MYO1H: variants seen among roughly 807,000 people sequenced by gnomAD.
MYO1H encodes myosin IH.
In MYO1H, 118 loss-of-function variants were observed where a neutral mutation model predicts 149.3. The observed-to-expected ratio is 0.79, with a 90% CI of 0.68 to 0.92. MYO1H has a LOEUF of 0.92. Ranked by LOEUF, MYO1H falls within the 40% of genes least tolerant of loss-of-function variation. The probability of loss-of-function intolerance (pLI) is 0.00; values close to 1 mark genes in which losing one functional copy is unlikely to be tolerated. For synonymous variants in MYO1H, 447 were observed against 465.2 expected, an observed-to-expected ratio of 0.96 and a Z score of 0.50; for missense variants, 1,212 against 1,280.7, an observed-to-expected ratio of 0.95 and a Z score of 0.82.
At chr12:109,311,193 A>G in the MYO1H span, among the ~76,000 whole-genome samples, 10 of 152,338 alleles carry the variant, frequency 6.6e-5, no homozygotes, top group Admixed American at 4.6e-4. Flanking sequence ...TTTTTAAAAT[A>G]AAAGGCATCC....
intron 7 of MYO1H, among the ~76,000 whole-genome samples, chr12:109,405,227 A>G (rs1449886580): frequency 1.3e-5 from 2 of 152,134 alleles, no homozygotes; most frequent in East Asian, 1.9e-4. Context: ...AAAAAAAGAT[A>G]GATGGATGGA....
In MYO1H at chr12:109,365,036, C is replaced by T. The variant is rs79770117; in HGVS notation, c.12+17064C>T. Among the ~76,000 whole-genome samples the T allele has an allele frequency of 4.3e-3, 649 of 152,206 alleles. 1 individual carries two copies. The highest frequency in any genetic ancestry group is 0.015 in the African/African-American group (627 of 41,510). On this transcript the variant is annotated intron_variant, in intron 1 of 31. Transcript: ENST00000310903. ...CTATAATCCCAGTGATTTGGAAGGCCGAGGCGGGAGGATCGCTTGAGGCTA... is the reference window on the plus strand; with the variant it reads ...CTATAATCCCAGTGATTTGGAAGGCTGAGGCGGGAGGATCGCTTGAGGCTA...
At chr12:109,426,156 T>C in intron 18 of MYO1H, 105 bp downstream of exon 18, 1 of 765,388 alleles carries the variant, frequency 1.3e-6, no homozygotes, top group South Asian at 1.5e-5. Context: ...GCTTGCTCGA[T>C]GTCCTCTGGA....
At chr12:109,344,538 T>G (rs1301109967), upstream of MYO1H, among the ~76,000 whole-genome samples, 1 of 152,200 alleles carries the variant, frequency 6.6e-6, no homozygotes, top group African/African-American at 2.4e-5. Context: ...AGACTTAATA[T>G]CATTAGAATG....
At chr12:109,350,012 A>C (rs1369421797) in intron 1 of MYO1H, among the ~76,000 whole-genome samples, 1 of 150,612 alleles carries the variant, frequency 6.6e-6, no homozygotes, top group Non-Finnish European at 1.5e-5. Context: ...ATTATATTAA[A>C]TATTAGAGAT....
At chr12:109,318,277 TATAAA>T in the MYO1H span, among the ~76,000 whole-genome samples, 16 of 152,314 alleles carry the variant, frequency 1.1e-4, no homozygotes, top group Admixed American at 8.5e-4. Flanking sequence ...TTATATTTAT[TATAAA>T]ATAAATATTT....
chr12:109,340,878 T>C, the MYO1H span, among the ~76,000 whole-genome samples: 2 of 152,064 alleles, frequency 1.3e-5, no homozygotes, highest in East Asian at 1.9e-4. Context: ...ATAAGGTTGG[T>C]AGAGATTCAT....
chr12:109,355,382 T>C (rs1010901520), intron 1 of MYO1H, among the ~76,000 whole-genome samples: 2 of 152,188 alleles, frequency 1.3e-5, no homozygotes, highest in African/African-American at 4.8e-5. Flanking sequence ...TGCACCTGAA[T>C]CACCTCAGGG....
intron 9 of MYO1H, among the ~76,000 whole-genome samples, chr12:109,407,070 CTGTCTATGTCT>C (rs1870427998): frequency 6.6e-6 from 1 of 152,158 alleles, no homozygotes; most frequent in African/African-American, 2.4e-5. Flanking sequence ...ACACCTCATA[CTGTCTATGTCT>C]TCCCTCCACA....
At chr12:109,421,525 A>C (rs769759017) in intron 16 of MYO1H, among the ~76,000 whole-genome samples, 1 of 152,168 alleles carries the variant, frequency 6.6e-6, no homozygotes, top group Non-Finnish European at 1.5e-5. Flanking sequence ...TTCCAGGTAG[A>C]GAGACCAGTA....
the MYO1H span, among the ~76,000 whole-genome samples, chr12:109,312,914 C>T: frequency 6.6e-6 from 1 of 151,664 alleles, no homozygotes; most frequent in Non-Finnish European, 1.5e-5. Flanking sequence ...TTTGTCAATT[C>T]CTAAAAGCTA....
At position 109,358,126 on chromosome 12, in the gene MYO1H, C is replaced by T. The variant is rs147470779; in HGVS notation, c.12+10154C>T. On this transcript the variant is annotated intron_variant, in intron 1 of 31. Coordinates refer to ENST00000310903, the Ensembl canonical transcript of MYO1H. ...AGCATCCACTGATATCTAGTATGTTCTTAGGTTTGGCTCGATGACCAGAGG... is the reference window on the plus strand; with the variant it reads ...AGCATCCACTGATATCTAGTATGTTTTTAGGTTTGGCTCGATGACCAGAGG... Among the ~76,000 whole-genome samples, 752 of 151,194 alleles carry T rather than the reference C, an allele frequency of 5.0e-3. 5 individuals are homozygous for T. Among genetic ancestry groups the T allele is most frequent in the Admixed American group, 5.6e-3 (84 of 15,094 alleles).
the MYO1H span, among the ~76,000 whole-genome samples, chr12:109,323,255 T>C: frequency 6.6e-6 from 1 of 152,238 alleles, no homozygotes; most frequent in Admixed American, 6.5e-5. Context: ...TTTCTCCCCT[T>C]ACCAAATTTA....
At chr12:109,381,069 G>A (rs935006192) in intron 1 of MYO1H, among the ~76,000 whole-genome samples, 1 of 152,124 alleles carries the variant, frequency 6.6e-6, no homozygotes, top group Admixed American at 6.5e-5. Context: ...TAGAAACAAT[G>A]ATTAACCCTG....
intron 1 of MYO1H, among the ~76,000 whole-genome samples, chr12:109,351,265 G>A (rs147683461): frequency 2.0e-5 from 3 of 152,240 alleles, no homozygotes; most frequent in African/African-American, 7.2e-5. Flanking sequence ...TGGCCAGGAT[G>A]TTTTTATATT....
At chr12:109,406,905 T>A (rs1264202246) in intron 9 of MYO1H, 45 bp downstream of exon 9, 3 of 1,554,276 alleles carry the variant, frequency 1.9e-6, no homozygotes, top group Non-Finnish European at 2.7e-6. Flanking sequence ...TCCCTGCTGC[T>A]GCTGCCTCCC....
the MYO1H span, among the ~76,000 whole-genome samples, chr12:109,335,735 T>C: frequency 6.6e-6 from 1 of 152,230 alleles, no homozygotes; most frequent in Non-Finnish European, 1.5e-5. Context: ...TTATCTCTCT[T>C]AGTAAAGTTT....
chr12:109,364,392 G>A (rs1043109403), intron 1 of MYO1H, among the ~76,000 whole-genome samples: 5 of 151,992 alleles, frequency 3.3e-5, no homozygotes, highest in African/African-American at 7.2e-5. Flanking sequence ...GTGGTGGCGT[G>A]AACACTGCTC....
At chr12:109,349,222 C>T (rs1868402652) in intron 1 of MYO1H, among the ~76,000 whole-genome samples, 1 of 152,164 alleles carries the variant, frequency 6.6e-6, no homozygotes, top group Non-Finnish European at 1.5e-5. Context: ...CATGGCTTTA[C>T]AAAATGCACG....
Sources: gnomAD v4.1 joint callset for allele counts (sites outside exome capture counted in the v4.1 genomes callset) on GRCh38, gnomAD v4.1.1 for gene constraint, MANE v1.5 for transcripts, NCBI Gene and HGNC (gene_info 2026-07-23, HGNC 2026-07-21) for gene names.